Variants in WDFY3 observed in about 807,000 individuals in gnomAD.
The protein encoded by WDFY3 is WD repeat and FYVE domain containing 3, also known as WD repeat and FYVE domain-containing protein 3.
Under a neutral mutation model 409.6 loss-of-function variants are expected in WDFY3, and 66 were observed. That is an observed-to-expected ratio of 0.16 (90% CI 0.13 to 0.20). The LOEUF is 0.20. WDFY3 is among the 10% of genes least tolerant of loss of function. The pLI is 1.00. For missense variants in WDFY3, 3,031 were observed against 4,298.1 expected (o/e 0.71, Z 8.24); for synonymous variants, 1,521 against 1,537.1 (o/e 0.99, Z 0.25).
intron 5 of WDFY3, 200 bp downstream of exon 5, chr4:84,849,702 T>A (rs1040683746): frequency 1.6e-5 from 9 of 561,862 alleles, no homozygotes; most frequent in Non-Finnish European, 2.6e-5. Context: ...CCAGGCAGAG[T>A]AGCCTTGAGC....
intron 25 of WDFY3, among the ~76,000 whole-genome samples, chr4:84,782,732 G>A (rs907025337): frequency 6.6e-6 from 1 of 152,144 alleles, no homozygotes; most frequent in East Asian, 1.9e-4. Flanking sequence ...TTTTATGGCT[G>A]TATAGTATTC....
At chr4:84,858,981 G>A (rs1760162225) in intron 4 of WDFY3, among the ~76,000 whole-genome samples, 1 of 151,708 alleles carries the variant, frequency 6.6e-6, no homozygotes, top group African/African-American at 2.4e-5. Flanking sequence ...GAGAGAGACA[G>A]ACAGATAGGA....
At chr4:84,717,787 G>A (rs756078564) in intron 48 of WDFY3, among the ~76,000 whole-genome samples, 1 of 152,052 alleles carries the variant, frequency 6.6e-6, no homozygotes, top group Non-Finnish European at 1.5e-5. Flanking sequence ...TATTCTTCAC[G>A]CCTGTAATCC....
chr4:84,696,935 A>C (rs1730251281), intron 56 of WDFY3, 112 bp from the exon 57 acceptor site: 1 of 847,254 alleles, frequency 1.2e-6, no homozygotes, highest in South Asian at 1.6e-5. Flanking sequence ...AGAACGCTAA[A>C]ATTGTACACC....
chr4:84,785,327 A>G (rs1747360365), intron 24 of WDFY3, among the ~76,000 whole-genome samples: 1 of 152,048 alleles, frequency 6.6e-6, no homozygotes, highest in Non-Finnish European at 1.5e-5. Context: ...TATTCCTGGA[A>G]TACAAAACAC....
chr4:84,900,998 A>G (rs1227498307), intron 2 of WDFY3, among the ~76,000 whole-genome samples: 3 of 152,188 alleles, frequency 2.0e-5, no homozygotes, highest in Non-Finnish European at 2.9e-5. Context: ...TGGCCGGTTC[A>G]CTTGTCTGGT....
At chr4:84,929,227 G>A (rs187578488) in intron 2 of WDFY3, among the ~76,000 whole-genome samples, 3 of 152,186 alleles carry the variant, frequency 2.0e-5, no homozygotes, top group African/African-American at 7.2e-5. Flanking sequence ...TCAACAATCA[G>A]TGAAGAACTA....
intron 1 of WDFY3, among the ~76,000 whole-genome samples, chr4:84,961,348 T>G (rs80250729): frequency 5.9e-5 from 9 of 152,138 alleles, no homozygotes; most frequent in Admixed American, 5.2e-4. Flanking sequence ...TCAAAGCAAA[T>G]TGTTGGCATA....
intron 2 of WDFY3, among the ~76,000 whole-genome samples, chr4:84,900,919 G>A (rs1363205443): frequency 6.6e-6 from 1 of 152,214 alleles, no homozygotes; most frequent in African/African-American, 2.4e-5. Flanking sequence ...ATGAAACTGG[G>A]TAGTTTACAA....
At chr4:84,940,990 C>T (rs1772039503) in intron 1 of WDFY3, among the ~76,000 whole-genome samples, 2 of 152,076 alleles carry the variant, frequency 1.3e-5, no homozygotes, top group Admixed American at 1.3e-4. Context: ...AAAAGCTCTA[C>T]TAAACCAGGA....
At chr4:84,755,448 T>C in intron 33 of WDFY3, 48 bp from the exon 34 acceptor site, 1 of 1,567,866 alleles carries the variant, frequency 6.4e-7, no homozygotes, top group Non-Finnish European at 8.6e-7. Flanking sequence ...AATTTTTCAG[T>C]AGAGACCCTC....
At chr4:84,733,763 G>A (rs766867906) in intron 43 of WDFY3, among the ~76,000 whole-genome samples, 154 bp from the exon 44 acceptor site, 2 of 152,156 alleles carry the variant, frequency 1.3e-5, no homozygotes, top group Admixed American at 1.3e-4. Context: ...TTTGTTTATG[G>A]TTAAAGTAAG....
intron 36 of WDFY3, 21 bp downstream of exon 36, chr4:84,751,462 A>T: frequency 6.2e-7 from 1 of 1,608,612 alleles, no homozygotes; most frequent in Non-Finnish European, 8.5e-7. Context: ...AAGAGATGTA[A>T]ATGCGTTTCT....
chr4:84,714,961 AAAAG>A (rs1489800940), intron 50 of WDFY3, among the ~76,000 whole-genome samples: 5 of 151,910 alleles, frequency 3.3e-5, no homozygotes, highest in Admixed American at 6.6e-5. Flanking sequence ...AAAAAAAAAA[AAAAG>A]AAGAAGAAAA....
intron 56 of WDFY3, among the ~76,000 whole-genome samples, chr4:84,700,209 C>A (rs186478839): frequency 1.3e-5 from 2 of 152,108 alleles, no homozygotes; most frequent in African/African-American, 2.4e-5. Flanking sequence ...AGTGTTTTGT[C>A]TTGTTTTGTT....
Position 84,841,268 on chromosome 4 carries a change from A to T in WDFY3, c.305-5T>A. 1 of 1,609,948 alleles carries T rather than the reference A, an allele frequency of 6.2e-7. No individual in the cohort carries two copies. Among genetic ancestry groups the T allele is most frequent in the Non-Finnish European group, 8.5e-7 (1 of 1,179,076 alleles). On this transcript the variant is annotated splice_region_variant and splice_polypyrimidine_tract_variant and intron_variant, in intron 5 of 67. Coordinates refer to ENST00000295888, the MANE Select transcript of WDFY3 (RefSeq NM_014991.6). ...CTATGGCCCGACTTGCAGCCTCTATAAAACCAAAGGGAAAGCCATTAAGTG... is the reference window on the plus strand; with the variant it reads ...CTATGGCCCGACTTGCAGCCTCTATTAAACCAAAGGGAAAGCCATTAAGTG...
At chr4:84,801,978 G>A (rs1578585323) in intron 16 of WDFY3, 114 bp from the exon 17 acceptor site, 14 of 1,011,874 alleles carry the variant, frequency 1.4e-5, no homozygotes, top group East Asian at 2.6e-5. Context: ...ACGGAGTTTC[G>A]CTCTTGTTGT....
chr4:84,679,841 T>TATATATATATATATATATATATAC (rs1235574031), intron 64 of WDFY3, among the ~76,000 whole-genome samples: 1 of 141,262 alleles, frequency 7.1e-6, no homozygotes, highest in African/African-American at 2.6e-5. Flanking sequence ...TATATATATA[T>TATATATATATATATATATATATAC]ACACACACAC....
intron 47 of WDFY3, among the ~76,000 whole-genome samples, 162 bp from the exon 48 acceptor site, chr4:84,718,732 TA>T (rs1734368052): frequency 6.6e-6 from 1 of 152,120 alleles, no homozygotes; most frequent in South Asian, 2.1e-4. Context: ...CTGACTAGAG[TA>T]AAACTAAACA....
Sources: gnomAD v4.1 joint callset for allele counts (sites outside exome capture counted in the v4.1 genomes callset) on GRCh38, gnomAD v4.1.1 for gene constraint, MANE v1.5 for transcripts, NCBI Gene and HGNC (gene_info 2026-07-23, HGNC 2026-07-21) for gene names.